Variants in UNC13C observed in about 807,000 individuals in gnomAD.
UNC13C encodes unc-13 homolog C.
UNC13C carries 174 observed loss-of-function variants against 245.4 expected under a neutral mutation model. That is an observed-to-expected ratio of 0.71 (90% CI 0.63 to 0.80). UNC13C has a LOEUF of 0.80. UNC13C is among the 30% of genes least tolerant of loss of function. The pLI, the probability that UNC13C is intolerant of heterozygous loss-of-function variation, is 0.00. For missense variants in UNC13C, 2,829 were observed against 2,602.9 expected, an observed-to-expected ratio of 1.09 and a Z score of -1.89; for synonymous variants, 992 against 895.1, an observed-to-expected ratio of 1.11 and a Z score of -1.93.
chr15:54,185,204 C>T (rs1283124456), intron 4 of UNC13C, among the ~76,000 whole-genome samples: 1 of 150,738 alleles, frequency 6.6e-6, no homozygotes, highest in Non-Finnish European at 1.5e-5. Context: ...AAAAATTTTT[C>T]TCCCATTCTG....
intron 2 of UNC13C, among the ~76,000 whole-genome samples, chr15:54,042,631 A>G (rs1258102544): frequency 2.0e-5 from 3 of 152,106 alleles, no homozygotes; most frequent in African/African-American, 4.8e-5. Flanking sequence ...AGGCGGGCGG[A>G]TCACAAGGTC....
At chr15:54,568,512 T>G (rs532550455) in intron 30 of UNC13C, among the ~76,000 whole-genome samples, 106 of 152,268 alleles carry the variant, frequency 7.0e-4, no homozygotes, top group Middle Eastern at 3.4e-3. Flanking sequence ...TGTCAAAGTT[T>G]CCACCTCATA....
chr15:54,158,773 C>T (rs2141263045), intron 4 of UNC13C, among the ~76,000 whole-genome samples: 1 of 152,030 alleles, frequency 6.6e-6, no homozygotes, highest in East Asian at 1.9e-4. Context: ...CCTCAGCCTC[C>T]CAAATAGCCG....
At chr15:53,887,725 C>G in the UNC13C span, among the ~76,000 whole-genome samples, 1 of 152,098 alleles carries the variant, frequency 6.6e-6, no homozygotes, top group Admixed American at 6.6e-5. Context: ...GCCCCACCCC[C>G]CGATAGTGTG....
intron 18 of UNC13C, among the ~76,000 whole-genome samples, chr15:54,406,335 T>A (rs897563995): frequency 6.6e-6 from 1 of 152,148 alleles, no homozygotes; most frequent in African/African-American, 2.4e-5. Context: ...CCTTTTGATA[T>A]AGGAGCAGCA....
chr15:54,379,215 A>G (rs1388133467), intron 17 of UNC13C, among the ~76,000 whole-genome samples: 1 of 152,104 alleles, frequency 6.6e-6, no homozygotes, highest in African/African-American at 2.4e-5. Context: ...AATGTTTTAT[A>G]TAGGGTCTAG....
intron 30 of UNC13C, among the ~76,000 whole-genome samples, chr15:54,581,079 T>C (rs1225938906): frequency 6.6e-6 from 1 of 152,116 alleles, no homozygotes. Flanking sequence ...TCATCCAGGG[T>C]AGTTTATGCT....
chr15:53,924,773 C>T, the UNC13C span, among the ~76,000 whole-genome samples: 1 of 152,178 alleles, frequency 6.6e-6, no homozygotes, highest in East Asian at 1.9e-4. Context: ...GACTTTTGAA[C>T]ACTGAATCAT....
chr15:53,919,419 T>G, the UNC13C span, among the ~76,000 whole-genome samples: 1 of 152,148 alleles, frequency 6.6e-6, no homozygotes, highest in African/African-American at 2.4e-5. Context: ...AGGGTAGAGC[T>G]CACCTGGTTG....
At chr15:54,545,291 A>G (rs536900728) in intron 26 of UNC13C, among the ~76,000 whole-genome samples, 2 of 152,334 alleles carry the variant, frequency 1.3e-5, no homozygotes, top group South Asian at 2.1e-4. Context: ...TTATACAAAA[A>G]TTAACTCAAG....
intron 30 of UNC13C, among the ~76,000 whole-genome samples, chr15:54,584,976 A>T (rs571012760): frequency 4.6e-5 from 7 of 152,348 alleles, no homozygotes; most frequent in African/African-American, 1.7e-4. Flanking sequence ...TGCTATGGCC[A>T]TTTGAGTAAA....
chr15:54,242,630 CT>C (rs2140847310), intron 7 of UNC13C, among the ~76,000 whole-genome samples: 1 of 151,210 alleles, frequency 6.6e-6, no homozygotes, highest in South Asian at 2.1e-4. Context: ...TTTTTTTATT[CT>C]TTGTTTTCAC....
chr15:54,226,142 T>G (rs8027105), intron 4 of UNC13C, among the ~76,000 whole-genome samples: 1 of 151,994 alleles, frequency 6.6e-6, no homozygotes, highest in Admixed American at 6.5e-5. Context: ...AACTTTGCAT[T>G]TCAGGATGAA....
At chr15:53,947,487 TC>T in the UNC13C span, 1 of 152,212 alleles carries the variant, frequency 6.6e-6, no homozygotes, top group African/African-American at 2.4e-5. Context: ...GAAGTTCAAT[TC>T]CTTTTGCAGC....
chr15:54,623,990 C>T (rs1289134377), intron 32 of UNC13C, 36 bp downstream of exon 32: 2 of 1,610,624 alleles, frequency 1.2e-6, no homozygotes, highest in Admixed American at 3.3e-5. Flanking sequence ...TTCTACCAGG[C>T]AATAGTTACT....
intron 28 of UNC13C, among the ~76,000 whole-genome samples, chr15:54,553,838 T>C (rs1896977468): frequency 1.3e-5 from 2 of 151,926 alleles, no homozygotes; most frequent in African/African-American, 4.8e-5. Flanking sequence ...CCAGTCAAGA[T>C]TGATGAAGCC....
At chr15:53,985,316 A>G (rs1894089344) in intron 1 of UNC13C, among the ~76,000 whole-genome samples, 1 of 148,364 alleles carries the variant, frequency 6.7e-6, no homozygotes, top group Non-Finnish European at 1.5e-5. Flanking sequence ...CATGGTGTAT[A>G]TGTGCCACAT....
chr15:54,057,569 C>G (rs992724864), intron 2 of UNC13C, among the ~76,000 whole-genome samples: 11 of 151,496 alleles, frequency 7.3e-5, no homozygotes, highest in African/African-American at 1.9e-4. Context: ...GAAAGTTAAC[C>G]AGGATATCCA....
chr15:54,281,248 T>C (rs2036988942), intron 10 of UNC13C, among the ~76,000 whole-genome samples: 1 of 152,206 alleles, frequency 6.6e-6, no homozygotes, highest in South Asian at 2.1e-4. Flanking sequence ...TCACTCATTG[T>C]TACTAGTGCA....
Sources: allele counts gnomAD v4.1 joint callset (sites outside exome capture counted in the v4.1 genomes callset), GRCh38; gene constraint gnomAD v4.1.1; transcripts MANE v1.5; gene names NCBI Gene and HGNC (gene_info 2026-07-23, HGNC 2026-07-21).